GAREM1: variants seen among roughly 807,000 people sequenced by gnomAD.
GAREM1 encodes the protein GRB2 associated regulator of MAPK1 subtype 1.
GAREM1 carries 26 observed loss-of-function variants against 71.3 expected under a neutral mutation model. The ratio of observed to expected loss-of-function variants is 0.36; its 90% confidence interval spans 0.27 to 0.51. The LOEUF is 0.51. GAREM1 is among the 20% of genes least tolerant of loss of function. The pLI, the probability that GAREM1 is intolerant of heterozygous loss-of-function variation, is 0.95. For synonymous variants in GAREM1, 440 were observed against 433.2 expected (o/e 1.02, Z -0.20); for missense variants, 1,026 against 1,103.1 (o/e 0.93, Z 0.99).
At chr18:32,430,447 A>C (rs11081762) in intron 1 of GAREM1, among the ~76,000 whole-genome samples, 33,749 of 151,928 alleles carry the variant, frequency 0.22, 4,340 homozygotes, top group East Asian at 0.37. Flanking sequence ...AACTCTCTCT[A>C]TATATATACT....
chr18:32,315,528 T>A (rs1023632264), intron 2 of GAREM1, among the ~76,000 whole-genome samples: 4 of 147,436 alleles, frequency 2.7e-5, no homozygotes, highest in African/African-American at 9.9e-5. Context: ...AAAATATATA[T>A]AAAAGTAGAT....
At chr18:32,331,731 G>A (rs936756130) in intron 2 of GAREM1, 2 of 152,166 alleles carry the variant, frequency 1.3e-5, no homozygotes, top group Non-Finnish European at 2.9e-5. Flanking sequence ...ATAATAAGAG[G>A]AGGGACAGGT....
Position 32,470,395 on chromosome 18 carries a change from T to C in GAREM1, c.34A>G (p.Lys12Glu), listed in dbSNP as rs544498241. The C allele has an allele frequency of 1.5e-5, 24 of 1,552,482 alleles. No individual in the cohort carries two copies. In the African/African-American group the frequency reaches 1.8e-4, roughly 12 times the overall value. The change falls in exon 1 of 6, where the codon AAG becomes GAG. Residue 12 changes from lysine to glutamate, a missense_variant. Around this residue, in one of 3 missense-constraint regions of GAREM1, gnomAD observed 172 missense variants for 175.2 expected, o/e 0.98. Transcript: ENST00000269209. This position sits in a 1 kb window ranked among gnomAD's most constrained non-coding sequence, Gnocchi z 4.4. The stretch of plus-strand genomic sequence containing the variant: ...GCCACCGAGCTCCACTTCACATCCT[T>C]GAGGCTGCAGCCCAGCGAGGGCGCC... ...DPAPSLGCSL[K>E]DVKWSSVAVP... is the part of the protein sequence containing the mutation.
intron 3 of GAREM1, among the ~76,000 whole-genome samples, chr18:32,302,995 C>G (rs1353155447): frequency 6.6e-6 from 1 of 152,202 alleles, no homozygotes; most frequent in Non-Finnish European, 1.5e-5. Flanking sequence ...AGCTCCTGGG[C>G]AGACCACGCA....
At chr18:32,360,371 C>T (rs57478295) in intron 2 of GAREM1, among the ~76,000 whole-genome samples, 15,645 of 152,008 alleles carry the variant, frequency 0.1, 1,441 homozygotes, top group African/African-American at 0.24. Flanking sequence ...ATGGACATTC[C>T]TCACAAGTCT....
chr18:32,331,683 CAGGTGACA>C (rs778313225), intron 2 of GAREM1: 2 of 152,048 alleles, frequency 1.3e-5, no homozygotes, highest in Non-Finnish European at 2.9e-5. Context: ...AACAAGTTCC[CAGGTGACA>C]AGGTTCCCCT....
intron 4 of GAREM1, among the ~76,000 whole-genome samples, chr18:32,274,987 C>T (rs756966501): frequency 6.6e-6 from 1 of 150,958 alleles, no homozygotes; most frequent in Non-Finnish European, 1.5e-5. Flanking sequence ...TTAAAAAAAC[C>T]CATATACCAT....
chr18:32,294,560 C>T (rs1318209353), intron 3 of GAREM1, among the ~76,000 whole-genome samples: 1 of 152,210 alleles, frequency 6.6e-6, no homozygotes, highest in Admixed American at 6.5e-5. Context: ...AGTGACATCA[C>T]TGTAACAGCA....
At position 32,430,753 on chromosome 18, in the gene GAREM1, GA is replaced by G. The variant is rs2048616181; in HGVS notation, c.122-37719del. Reference sequence around the variant, plus strand: ...TAGGTAGGTCCCTAAAACCCTGAACGAGGAGAATCCTCTCTGACTAGAGAAA... The same window carrying G: ...TAGGTAGGTCCCTAAAACCCTGAACGGGAGAATCCTCTCTGACTAGAGAAA... On this transcript the variant is annotated intron_variant, in intron 1 of 5. Transcript: ENST00000269209. 5.3e-5 allele frequency among the ~76,000 whole-genome samples: 8 copies of G among 152,324 alleles called. No individual in the cohort carries two copies. The South Asian group carries it at 1.7e-3, about 32-fold the overall frequency.
intron 1 of GAREM1, chr18:32,412,303 C>T (rs2048427805): frequency 6.3e-7 from 1 of 1,591,620 alleles, no homozygotes; most frequent in Non-Finnish European, 8.5e-7. Context: ...TACTGGCCTC[C>T]ACCGCCATAG....
intron 1 of GAREM1, among the ~76,000 whole-genome samples, chr18:32,434,415 T>C (rs961409733): frequency 8.5e-5 from 13 of 152,084 alleles, no homozygotes; most frequent in Non-Finnish European, 1.5e-4. Flanking sequence ...GGAGGGCTCT[T>C]TGGAGAGGTC....
At chr18:32,464,374 A>G (rs1434952548) in intron 1 of GAREM1, among the ~76,000 whole-genome samples, 1 of 152,154 alleles carries the variant, frequency 6.6e-6, no homozygotes, top group African/African-American at 2.4e-5. Flanking sequence ...GTTCCTGGCC[A>G]GATGTGGTGG....
At chr18:32,315,216 T>C (rs1050145442) in intron 2 of GAREM1, among the ~76,000 whole-genome samples, 1 of 151,902 alleles carries the variant, frequency 6.6e-6, no homozygotes, top group Non-Finnish European at 1.5e-5. Context: ...CACCCTAATA[T>C]ATCAAACATT....
intron 2 of GAREM1, among the ~76,000 whole-genome samples, chr18:32,392,027 G>C (rs1407600100): frequency 6.6e-6 from 1 of 152,088 alleles, no homozygotes; most frequent in Non-Finnish European, 1.5e-5. Flanking sequence ...ATAACTCTCT[G>C]TGCATTGTAA....
intron 1 of GAREM1, among the ~76,000 whole-genome samples, chr18:32,430,501 C>A (rs1251745417): frequency 6.6e-6 from 1 of 152,224 alleles, no homozygotes; most frequent in Non-Finnish European, 1.5e-5. Flanking sequence ...AAGGGAGTCT[C>A]AGTCTGGAGA....
chr18:32,328,071 G>C (rs1040307076), intron 2 of GAREM1, among the ~76,000 whole-genome samples: 9 of 152,180 alleles, frequency 5.9e-5, no homozygotes, highest in Middle Eastern at 6.8e-3. Flanking sequence ...TAAACTATTA[G>C]TCAAAATATT....
chr18:32,419,211 T>C (rs560813518), intron 1 of GAREM1, among the ~76,000 whole-genome samples: 1 of 152,190 alleles, frequency 6.6e-6, no homozygotes, highest in Non-Finnish European at 1.5e-5. Flanking sequence ...CAAATATCTC[T>C]GACTTTCTCT....
intron 1 of GAREM1, among the ~76,000 whole-genome samples, chr18:32,396,333 A>G (rs917799059): frequency 3.5e-4 from 53 of 152,160 alleles, no homozygotes; most frequent in African/African-American, 1.2e-3. Flanking sequence ...GAAGAGAAGA[A>G]GGCTTCAGAT....
chr18:32,360,240 A>G (rs2047853056), intron 2 of GAREM1, among the ~76,000 whole-genome samples: 1 of 151,810 alleles, frequency 6.6e-6, no homozygotes, highest in African/African-American at 2.4e-5. Flanking sequence ...AAATATATAT[A>G]TATATCCTCT....
Sources: allele counts gnomAD v4.1 joint callset (sites outside exome capture counted in the v4.1 genomes callset), GRCh38; gene constraint gnomAD v4.1.1; regional missense constraint gnomAD v4.1.1; non-coding constraint Gnocchi (gnomAD v3.1); transcripts MANE v1.5; gene names NCBI Gene and HGNC (gene_info 2026-07-23, HGNC 2026-07-21).